Variants in WDFY4 observed in about 807,000 individuals in gnomAD.
WDFY4 encodes the protein WDFY family member 4.
A neutral mutation model predicts 351.9 loss-of-function variants in WDFY4; 169 were observed. That is an observed-to-expected ratio of 0.48 (90% confidence interval 0.42 to 0.55). The LOEUF (loss-of-function observed/expected upper bound fraction) is 0.55. WDFY4 is among the 20% of genes least tolerant of loss of function. The pLI, the probability that WDFY4 is intolerant of heterozygous loss-of-function variation, is 0.00. For missense variants in WDFY4, 3,803 were observed against 3,935.6 expected, an observed-to-expected ratio of 0.97 and a Z score of 0.90; for synonymous variants, 1,622 against 1,574.6, an observed-to-expected ratio of 1.03 and a Z score of -0.71.
chr10:48,806,171 G>A (rs2067249011), intron 27 of WDFY4, 76 bp downstream of exon 27: 1 of 1,447,840 alleles, frequency 6.9e-7, no homozygotes, highest in African/African-American at 1.4e-5. Context: ...ATTGTGCAGA[G>A]GGAGGGGCTA....
intron 47 of WDFY4, among the ~76,000 whole-genome samples, chr10:48,921,640 A>G (rs2035814339): frequency 6.6e-6 from 1 of 152,212 alleles, no homozygotes; most frequent in Non-Finnish European, 1.5e-5. Flanking sequence ...AAGACAAGCT[A>G]CAGACTGGAA....
chr10:48,819,978 A>G (rs2067760183), intron 32 of WDFY4, among the ~76,000 whole-genome samples: 2 of 152,164 alleles, frequency 1.3e-5, no homozygotes, highest in South Asian at 4.1e-4. Context: ...TCTGGAGTTC[A>G]TCATGAACAC....
At chr10:48,816,819 CAAGACTCAGACTTCT>C (rs2067634142) in intron 31 of WDFY4, among the ~76,000 whole-genome samples, 1 of 152,060 alleles carries the variant, frequency 6.6e-6, no homozygotes, top group African/African-American at 2.4e-5. Flanking sequence ...TGGTGAAAAA[CAAGACTCAGACTTCT>C]AAGATCTAAC....
At chr10:48,907,632 C>A (rs1837686437) in intron 47 of WDFY4, among the ~76,000 whole-genome samples, 1 of 152,156 alleles carries the variant, frequency 6.6e-6, no homozygotes, top group Admixed American at 6.5e-5. Flanking sequence ...TGTTAATTAA[C>A]CACACCCCAG....
chr10:48,778,807 A>G lies in WDFY4; in HGVS notation c.3372A>G (p.Thr1124=), dbSNP rs2066122323. Residue 1124 remains threonine, a synonymous_variant, in exon 18 of 62, where the codon ACA becomes ACG. Transcript: ENST00000325239. Reference sequence around the variant, plus strand: ...ACGACCTCTCCTTGGTTGTTTCTACAGAAGAGAAGGAGTTTCAGCCTCTGG... The same window carrying G: ...ACGACCTCTCCTTGGTTGTTTCTACGGAAGAGAAGGAGTTTCAGCCTCTGG... ...CPDDLSLVVS[T]EEKEFQPLDV... The G allele has an allele frequency of 1.3e-6, 2 of 1,551,274 alleles. No homozygotes were observed. Among genetic ancestry groups the G allele is most frequent in the African/African-American group, 1.4e-5 (1 of 73,186 alleles).
intron 47 of WDFY4, among the ~76,000 whole-genome samples, chr10:48,903,611 AG>A (rs1453318275): frequency 1.3e-5 from 2 of 152,238 alleles, no homozygotes; most frequent in Non-Finnish European, 2.9e-5. Flanking sequence ...GATAAGACAG[AG>A]GATTTAGGCT....
At chr10:48,946,215 G>A in intron 50 of WDFY4, 58 bp downstream of exon 50, 2 of 1,314,326 alleles carry the variant, frequency 1.5e-6, no homozygotes, top group South Asian at 2.7e-5. Flanking sequence ...GCCCTAAAAT[G>A]ATAGTTGATA....
chr10:48,950,392 C>A (rs953038004), intron 51 of WDFY4, among the ~76,000 whole-genome samples: 2 of 152,348 alleles, frequency 1.3e-5, no homozygotes, highest in East Asian at 3.9e-4. Context: ...GCTGAGTCTG[C>A]GCCCCTGTAT....
intron 13 of WDFY4, 37 bp from the exon 14 acceptor site, chr10:48,774,421 C>CCCTG (rs1565182130): frequency 6.5e-7 from 1 of 1,549,092 alleles, no homozygotes; most frequent in African/African-American, 1.4e-5. Flanking sequence ...AGGTGTTCTG[C>CCCTG]CCTGGAGGGC....
intron 39 of WDFY4, among the ~76,000 whole-genome samples, chr10:48,841,283 A>T (rs2068596228): frequency 6.6e-6 from 1 of 152,100 alleles, no homozygotes; most frequent in Non-Finnish European, 1.5e-5. Flanking sequence ...TATATTTGTT[A>T]CTGCACTTTG....
At chr10:48,830,675 G>T (rs3747875) in intron 37 of WDFY4, 25 bp from the exon 38 acceptor site, 596,104 of 1,543,830 alleles carry the variant, frequency 0.39, 120,895 homozygotes, top group East Asian at 0.85. Flanking sequence ...GCCATCCTGA[G>T]TGTGCCATGT....
intron 14 of WDFY4, 28 bp from the exon 15 acceptor site, chr10:48,775,684 A>AT (rs2066008392): frequency 2.6e-6 from 4 of 1,544,068 alleles, no homozygotes; most frequent in Non-Finnish European, 3.5e-6. Context: ...AAATGTCTTC[A>AT]TTTTTTCCTC....
rs369369609 is a variant in WDFY4, at chr10:48,885,325, G to C, written c.7168-5254G>C. Among the ~76,000 whole-genome samples the C allele has an allele frequency of 1.8e-4, 27 of 152,296 alleles. No individual in the cohort carries two copies. The East Asian group carries it at 4.4e-3, about 25-fold the overall frequency. ...ATGAGTCCAAGTTTTACAATATTCA[G>C]AGCTACCCTGGCTAAAAATGCGCTC... On this transcript the variant is annotated intron_variant, in intron 43 of 61. Transcript: ENST00000325239.
At chr10:48,811,276 G>A (rs1179330490) in intron 29 of WDFY4, among the ~76,000 whole-genome samples, 2 of 152,210 alleles carry the variant, frequency 1.3e-5, no homozygotes, top group African/African-American at 4.8e-5. Context: ...CTACACCCTT[G>A]TTGCCTAATT....
intron 11 of WDFY4, among the ~76,000 whole-genome samples, chr10:48,740,451 C>A (rs1442980458): frequency 6.6e-6 from 1 of 152,232 alleles, no homozygotes; most frequent in Non-Finnish European, 1.5e-5. Context: ...GACCCTGGGG[C>A]CTCCAGGATG....
chr10:48,781,281 T>G (rs2066216553), intron 19 of WDFY4, among the ~76,000 whole-genome samples: 3 of 151,750 alleles, frequency 2.0e-5, no homozygotes, highest in East Asian at 1.9e-4. Flanking sequence ...TATATATATG[T>G]GTGTGTGTGT....
chr10:48,966,876 T>A (rs897678546), intron 55 of WDFY4: 4 of 641,302 alleles, frequency 6.2e-6, no homozygotes, highest in Non-Finnish European at 7.7e-6. Flanking sequence ...AGACCCTAAC[T>A]TCTGAAGACC....
At chr10:48,871,661 G>T (rs1314537796) in intron 40 of WDFY4, among the ~76,000 whole-genome samples, 1 of 152,024 alleles carries the variant, frequency 6.6e-6, no homozygotes, top group Non-Finnish European at 1.5e-5. Context: ...TTTTTTTGTA[G>T]AGACTGGGTC....
chr10:48,783,147 C>T (rs896357173), intron 19 of WDFY4, among the ~76,000 whole-genome samples: 4 of 152,128 alleles, frequency 2.6e-5, no homozygotes, highest in African/African-American at 9.7e-5. Flanking sequence ...TCAGTTTCCT[C>T]AGGGGATTGG....
Sources: gnomAD v4.1 joint callset for allele counts (sites outside exome capture counted in the v4.1 genomes callset) on GRCh38, gnomAD v4.1.1 for gene constraint, MANE v1.5 for transcripts, NCBI Gene and HGNC (gene_info 2026-07-23, HGNC 2026-07-21) for gene names.